Variants in RORA observed in about 807,000 individuals in gnomAD.
RORA encodes nuclear receptor ROR-alpha.
A neutral mutation model predicts 69.5 loss-of-function variants in RORA; 7 were observed. The observed-to-expected ratio is 0.10, with a 90% CI of 0.06 to 0.19. The LOEUF is 0.19. Ranked by LOEUF, RORA falls within the 10% of genes least tolerant of loss-of-function variation. The pLI is 1.00. For synonymous variants in RORA, 261 were observed against 240.8 expected, an observed-to-expected ratio of 1.08 and a Z score of -0.78; for missense variants, 457 against 663.0, an observed-to-expected ratio of 0.69 and a Z score of 3.41.
chr15:61,042,135 T>C (rs1336196594), intron 1 of RORA, among the ~76,000 whole-genome samples: 1 of 152,236 alleles, frequency 6.6e-6, no homozygotes, highest in African/African-American at 2.4e-5. Context: ...TGATTTTATG[T>C]TTCTAGAGAA....
chr15:60,614,314 C>T (rs1358362278), intron 2 of RORA, among the ~76,000 whole-genome samples: 1 of 152,014 alleles, frequency 6.6e-6, no homozygotes, highest in Non-Finnish European at 1.5e-5. Flanking sequence ...GAAGGAAGGA[C>T]AATTTTGGAG....
intron 1 of RORA, among the ~76,000 whole-genome samples, chr15:60,946,325 C>T (rs113263131): frequency 0.026 from 3,897 of 152,192 alleles, 159 homozygotes; most frequent in African/African-American, 0.09. Context: ...CGAGCCGAAG[C>T]GGGACTGTAC....
At chr15:60,813,127 A>G (rs1235290859) in intron 1 of RORA, among the ~76,000 whole-genome samples, 3 of 152,226 alleles carry the variant, frequency 2.0e-5, no homozygotes, top group Non-Finnish European at 2.9e-5. Context: ...TAGGAGAGAA[A>G]GAGAGACAGA....
chr15:61,204,291 C>T (rs2079920448), intron 1 of RORA, among the ~76,000 whole-genome samples: 1 of 152,164 alleles, frequency 6.6e-6, no homozygotes, highest in Non-Finnish European at 1.5e-5. Flanking sequence ...GAATGTATCC[C>T]CAGGATTCAG....
rs201981772 is a variant in RORA, at chr15:60,834,426, C to T, written c.167-155740G>A. Among the ~76,000 whole-genome samples the T allele has an allele frequency of 7.2e-5, 11 of 152,214 alleles. No homozygotes were observed. In the East Asian group the frequency reaches 1.2e-3, roughly 16 times the overall value. On this transcript the variant is annotated intron_variant, in intron 1 of 10. Coordinates refer to ENST00000335670, the MANE Select transcript of RORA (RefSeq NM_134261.3). The stretch of plus-strand genomic sequence containing the variant: ...TGTGCTCCATACCTTGACATGAACA[C>T]GAGTAAAAATCAAAATGGCCCCAGA...
intron 1 of RORA, among the ~76,000 whole-genome samples, chr15:60,815,707 G>C (rs1343555110): frequency 6.6e-6 from 1 of 150,426 alleles, no homozygotes; most frequent in African/African-American, 2.5e-5. Flanking sequence ...CTTCATTAGA[G>C]TCCAGTCAAC....
At chr15:60,999,516 T>C (rs937655652) in intron 1 of RORA, among the ~76,000 whole-genome samples, 10 of 152,342 alleles carry the variant, frequency 6.6e-5, no homozygotes, top group South Asian at 4.1e-4. Flanking sequence ...TCTTCATATA[T>C]TCAAAACTAG....
intron 1 of RORA, among the ~76,000 whole-genome samples, chr15:61,224,294 G>C (rs960546935): frequency 1.3e-5 from 2 of 152,228 alleles, no homozygotes; most frequent in Admixed American, 1.3e-4. Context: ...TGAACAGCCA[G>C]ATATGTCATA....
chr15:61,055,160 TG>T (rs1383297168), intron 1 of RORA, among the ~76,000 whole-genome samples: 4 of 151,590 alleles, frequency 2.6e-5, no homozygotes, highest in Admixed American at 2.0e-4. Context: ...TGAACTTATC[TG>T]GTTAAGTACA....
intron 1 of RORA, among the ~76,000 whole-genome samples, chr15:61,206,043 G>A (rs1178347272): frequency 6.6e-6 from 1 of 152,166 alleles, no homozygotes; most frequent in Non-Finnish European, 1.5e-5. Context: ...TTTAAGGACT[G>A]AGCCCAGTGT....
At chr15:60,556,356 CAG>C (rs2140406492) in intron 2 of RORA, among the ~76,000 whole-genome samples, 1 of 152,264 alleles carries the variant, frequency 6.6e-6, no homozygotes, top group Non-Finnish European at 1.5e-5. Context: ...TAAATAGAAA[CAG>C]GGAGGAGAAA....
intron 1 of RORA, among the ~76,000 whole-genome samples, chr15:61,045,917 A>C (rs1896995630): frequency 6.6e-6 from 1 of 152,226 alleles, no homozygotes; most frequent in Admixed American, 6.5e-5. Flanking sequence ...CATGCAGAGA[A>C]CAACAGGCAC....
chr15:60,797,938 A>T (rs1324112152), intron 1 of RORA, among the ~76,000 whole-genome samples: 1 of 152,126 alleles, frequency 6.6e-6, no homozygotes, highest in Non-Finnish European at 1.5e-5. Flanking sequence ...GGTGCACGGA[A>T]AGCTTTAAAA....
chr15:60,963,421 T>C (rs1407349984), intron 1 of RORA, among the ~76,000 whole-genome samples: 1 of 152,078 alleles, frequency 6.6e-6, no homozygotes. Context: ...ATGGAAGCAA[T>C]GGTTGAAAAG....
chr15:60,490,157 G>T lies in RORA; in HGVS notation c.*7298C>A, dbSNP rs369081160. On this transcript the variant is annotated 3_prime_UTR_variant, in exon 11 of 11. Transcript: ENST00000335670. The surrounding 1 kb of genome is among the most constrained non-coding windows in gnomAD (Gnocchi z 4.1). ...TACAGCTGCCAGTTGGGCATAGGTA[G>T]ATATATATATATATGTATATATATA... is the stretch of plus-strand genomic sequence containing the variant. 1.3e-5 allele frequency: 2 copies of T among 148,968 alleles called. No individual in the cohort carries two copies. Among genetic ancestry groups the T allele is most frequent in the African/African-American group, 2.5e-5 (1 of 40,692 alleles). 9.2% of individuals were successfully genotyped at this position (148,968 alleles called of 1,614,324 possible).
rs375112271 is a variant in RORA, at chr15:60,975,733, C to G, written c.166+253320G>C. ...TGAAGAGTGAATGAATGGAAAATAA[C>G]TGATACAGTGTTAGGCTGGGCACAG... is the stretch of plus-strand genomic sequence containing the variant. On this transcript the variant is annotated intron_variant, in intron 1 of 10. Transcript: ENST00000335670. 1.6e-4 allele frequency among the ~76,000 whole-genome samples: 24 copies of G among 152,302 alleles called. No individual in the cohort carries two copies. In the East Asian group the frequency reaches 3.3e-3, roughly 21 times the overall value.
At chr15:60,636,925 G>A (rs1417532522) in intron 2 of RORA, among the ~76,000 whole-genome samples, 1 of 151,772 alleles carries the variant, frequency 6.6e-6, no homozygotes, top group East Asian at 1.9e-4. Flanking sequence ...TTATTTTAAT[G>A]GCAGTATAAT....
chr15:61,175,370 AG>A (rs142836962), intron 1 of RORA, among the ~76,000 whole-genome samples: 2,254 of 152,106 alleles, frequency 0.015, 55 homozygotes, highest in African/African-American at 0.051. Flanking sequence ...ACAAAACACA[AG>A]GGCCAAGGAG....
chr15:61,201,310 T>C (rs1337400936), intron 1 of RORA, among the ~76,000 whole-genome samples: 1 of 152,202 alleles, frequency 6.6e-6, no homozygotes, highest in Non-Finnish European at 1.5e-5. Context: ...ACACGCAGTT[T>C]CTTGTATCCC....
Sources: allele counts gnomAD v4.1 joint callset (sites outside exome capture counted in the v4.1 genomes callset), GRCh38; gene constraint gnomAD v4.1.1; non-coding constraint Gnocchi (gnomAD v3.1); transcripts MANE v1.5; gene names NCBI Gene and HGNC (gene_info 2026-07-23, HGNC 2026-07-21).